The following PCDH9 variants were observed in gnomAD, a reference collection of about 807,000 sequenced individuals.
PCDH9 encodes protocadherin-9.
Under a neutral mutation model 70.6 loss-of-function variants are expected in PCDH9, and 24 were observed. That is an observed-to-expected ratio of 0.34 (90% CI 0.25 to 0.48). The LOEUF is 0.48. Among genes scored for constraint, PCDH9 ranks in the 20% least tolerant of loss-of-function variants. The pLI is 0.99. For missense variants in PCDH9, 1,281 were observed against 1,503.6 expected, an observed-to-expected ratio of 0.85 and a Z score of 2.45; for synonymous variants, 562 against 558.5, an observed-to-expected ratio of 1.01 and a Z score of -0.09.
At chr13:66,514,978 G>A (rs139177015) in intron 4 of PCDH9, among the ~76,000 whole-genome samples, 35 of 152,096 alleles carry the variant, frequency 2.3e-4, no homozygotes, top group East Asian at 7.7e-4. Flanking sequence ...TTGTAAGTAC[G>A]GTGTTTTCAT....
chr13:67,200,743 C>G (rs914347552), intron 2 of PCDH9, among the ~76,000 whole-genome samples: 1 of 151,988 alleles, frequency 6.6e-6, no homozygotes. Flanking sequence ...CATTTCGATG[C>G]TGAAGAGTGG....
chr13:66,438,054 T>G (rs1205528527), intron 4 of PCDH9, among the ~76,000 whole-genome samples: 5 of 151,928 alleles, frequency 3.3e-5, no homozygotes, highest in Non-Finnish European at 7.4e-5. Flanking sequence ...GCCAATATGG[T>G]GAAACCCCAT....
At chr13:67,139,874 C>T (rs545382133) in intron 2 of PCDH9, among the ~76,000 whole-genome samples, 1 of 152,236 alleles carries the variant, frequency 6.6e-6, no homozygotes, top group East Asian at 1.9e-4. Flanking sequence ...AATAATTAAG[C>T]CAACTGAAAT....
intron 4 of PCDH9, among the ~76,000 whole-genome samples, chr13:66,427,484 G>T (rs530513991): frequency 5.9e-5 from 9 of 151,806 alleles, no homozygotes; most frequent in Admixed American, 3.9e-4. Flanking sequence ...ACATAGACAT[G>T]TGTTTTGTGT....
chr13:66,796,774 AATTAT>A (rs1334963567), intron 3 of PCDH9, among the ~76,000 whole-genome samples: 1 of 152,204 alleles, frequency 6.6e-6, no homozygotes, highest in Non-Finnish European at 1.5e-5. Context: ...ATAAATACAT[AATTAT>A]ATTAGATGTG....
At chr13:66,728,809 C>T (rs952961588) in intron 3 of PCDH9, among the ~76,000 whole-genome samples, 1 of 151,982 alleles carries the variant, frequency 6.6e-6, no homozygotes, top group East Asian at 1.9e-4. Context: ...TGATAAAGGT[C>T]CTTGATACCA....
At chr13:66,921,676 A>G (rs929066375) in intron 2 of PCDH9, among the ~76,000 whole-genome samples, 2 of 151,372 alleles carry the variant, frequency 1.3e-5, no homozygotes, top group African/African-American at 4.8e-5. Context: ...ACTAATACAC[A>G]GGATTTATGT....
At chr13:66,510,899 T>C (rs955989821) in intron 4 of PCDH9, among the ~76,000 whole-genome samples, 27 of 152,204 alleles carry the variant, frequency 1.8e-4, no homozygotes, top group African/African-American at 5.8e-4. Context: ...ATTAGACCTT[T>C]TGGATGACCC....
chr13:66,361,222 C>T (rs543200906), intron 4 of PCDH9, among the ~76,000 whole-genome samples: 3 of 152,134 alleles, frequency 2.0e-5, no homozygotes, highest in African/African-American at 7.2e-5. Context: ...ATAATTATAC[C>T]CCTTTACTCC....
Position 66,304,550 on chromosome 13 carries a change from T to C in PCDH9, c.*105A>G, listed in dbSNP as rs1304711091. 3 of 871,808 alleles carry C rather than the reference T, an allele frequency of 3.4e-6. No individual in the cohort carries two copies. The highest frequency in any genetic ancestry group is 5.5e-6 in the Non-Finnish European group (3 of 548,948). 54.0% of individuals were successfully genotyped at this position (871,808 alleles called of 1,614,324 possible). On this transcript the variant is annotated 3_prime_UTR_variant, in exon 5 of 5. Coordinates refer to ENST00000377865, the MANE Select transcript of PCDH9 (RefSeq NM_203487.3). ...GCTAACACAAAGTTATAGGTATCCCTGCTAGAAGGGGCATAGTTGTAGAGA... is the reference window on the plus strand; with the variant it reads ...GCTAACACAAAGTTATAGGTATCCCCGCTAGAAGGGGCATAGTTGTAGAGA...
chr13:66,405,275 A>T (rs2138307283), intron 4 of PCDH9, among the ~76,000 whole-genome samples: 1 of 152,272 alleles, frequency 6.6e-6, no homozygotes, highest in Non-Finnish European at 1.5e-5. Flanking sequence ...TTAACCTAGC[A>T]CCAGTTTTCA....
chr13:66,433,817 T>G (rs1203684199), intron 4 of PCDH9, among the ~76,000 whole-genome samples: 1 of 151,866 alleles, frequency 6.6e-6, no homozygotes, highest in South Asian at 2.1e-4. Flanking sequence ...TTTTTATAAA[T>G]ATAATATTAA....
At chr13:67,010,568 T>C (rs192859857) in intron 2 of PCDH9, among the ~76,000 whole-genome samples, 1 of 152,130 alleles carries the variant, frequency 6.6e-6, no homozygotes, top group Admixed American at 6.6e-5. Flanking sequence ...TGATGATGGC[T>C]ATTATTTGAT....
At chr13:66,401,757 C>T (rs1261714859) in intron 4 of PCDH9, among the ~76,000 whole-genome samples, 1 of 126,654 alleles carries the variant, frequency 7.9e-6, no homozygotes, top group South Asian at 2.6e-4. Context: ...ACCCTGCATT[C>T]AAGTGTACCT....
chr13:66,964,376 G>A (rs2083398178), intron 2 of PCDH9, among the ~76,000 whole-genome samples: 1 of 151,620 alleles, frequency 6.6e-6, no homozygotes, highest in Admixed American at 6.6e-5. Context: ...GAAATGAATT[G>A]TAGTGATTGT....
At chr13:66,648,677 T>C (rs1481409653) in intron 3 of PCDH9, among the ~76,000 whole-genome samples, 2 of 151,918 alleles carry the variant, frequency 1.3e-5, no homozygotes, top group African/African-American at 4.8e-5. Context: ...CCAACAAACA[T>C]TCTCAAGTAT....
intron 3 of PCDH9, among the ~76,000 whole-genome samples, chr13:66,900,271 T>C (rs1174495918): frequency 6.6e-6 from 1 of 151,882 alleles, no homozygotes; most frequent in East Asian, 1.9e-4. Flanking sequence ...TGTCTCCTTT[T>C]CCCATCTGTA....
At chr13:67,002,342 G>T (rs1284298042) in intron 2 of PCDH9, among the ~76,000 whole-genome samples, 1 of 151,800 alleles carries the variant, frequency 6.6e-6, no homozygotes, top group Non-Finnish European at 1.5e-5. Context: ...TTTAAAAATG[G>T]ATACAATGAA....
intron 4 of PCDH9, among the ~76,000 whole-genome samples, chr13:66,317,507 GT>G (rs1020731474): frequency 9.2e-5 from 14 of 152,280 alleles, no homozygotes; most frequent in Admixed American, 5.2e-4. Context: ...TAATTAGGTT[GT>G]TTTTTGTATC....
Sources: gnomAD v4.1 joint callset for allele counts (sites outside exome capture counted in the v4.1 genomes callset) on GRCh38, gnomAD v4.1.1 for gene constraint, MANE v1.5 for transcripts, NCBI Gene and HGNC (gene_info 2026-07-23, HGNC 2026-07-21) for gene names.